The following SLC11A2 variants were observed in gnomAD, a reference collection of about 807,000 sequenced individuals.
SLC11A2 encodes solute carrier family 11 member 2, also known as natural resistance-associated macrophage protein 2.
A neutral mutation model predicts 68.0 loss-of-function variants in SLC11A2; 38 were observed. The observed-to-expected ratio is 0.56, with a 90% confidence interval of 0.43 to 0.73. SLC11A2 has a LOEUF of 0.73. Ranked by LOEUF, SLC11A2 falls within the 30% of genes least tolerant of loss-of-function variation. The pLI is 0.00. For synonymous variants in SLC11A2, 242 were observed against 250.6 expected, an observed-to-expected ratio of 0.97 and a Z score of 0.32; for missense variants, 517 against 690.5, an observed-to-expected ratio of 0.75 and a Z score of 2.82.
intron 4 of SLC11A2, 77 bp from the exon 5 acceptor site, chr12:51,004,984 A>C: frequency 6.5e-7 from 1 of 1,532,884 alleles, no homozygotes; most frequent in African/African-American, 1.4e-5. Context: ...GTTGTTTGGC[A>C]ACATGAGTGG....
At chr12:50,955,574 A>G in the SLC11A2 span, among the ~76,000 whole-genome samples, 13 of 152,210 alleles carry the variant, frequency 8.5e-5, no homozygotes, top group Non-Finnish European at 1.8e-4. Context: ...AAACTTCTAA[A>G]TAGGTATGTC....
chr12:50,988,223 A>G lies in SLC11A2; in HGVS notation c.*102T>C. On this transcript the variant is annotated 3_prime_UTR_variant, in exon 16 of 16. Transcript: ENST00000262052. Reference sequence around the variant, plus strand: ...TCCAACCAACGGTTGAGTCATAAACACAGTCTGTGCAACGGCACATACTTT... The same window carrying G: ...TCCAACCAACGGTTGAGTCATAAACGCAGTCTGTGCAACGGCACATACTTT... 1 of 1,590,760 alleles carries G rather than the reference A, an allele frequency of 6.3e-7. No individual in the cohort carries two copies. The highest frequency in any genetic ancestry group is 8.6e-7 in the Non-Finnish European group (1 of 1,168,636).
At position 50,991,559 on chromosome 12, in the gene SLC11A2, T is replaced by C. The variant is rs1347701772; in HGVS notation, c.1421+40A>G. ...ACTGCATGAAGATACCCTTTCCCCA[T>C]ATCAGCATCCCCTTTGGGAACGAAG... On this transcript the variant is annotated intron_variant, in intron 14 of 15. Transcript: ENST00000262052. 3 of 1,528,520 alleles carry C rather than the reference T, an allele frequency of 2.0e-6. No individual in the cohort carries two copies. The South Asian group carries it at 3.4e-5, about 17-fold the overall frequency. 94.7% of individuals were successfully genotyped at this position (1,528,520 alleles called of 1,614,324 possible). A position where few individuals can be genotyped will look rare whatever the true frequency, so the allele number is the denominator to read the frequency against.
the SLC11A2 span, among the ~76,000 whole-genome samples, chr12:50,967,833 G>A: frequency 2.6e-5 from 4 of 152,064 alleles, no homozygotes; most frequent in Admixed American, 2.6e-4. Flanking sequence ...AGTGATTTAG[G>A]CTGGGTGTAT....
rs1196432616 is a variant in SLC11A2, at chr12:50,986,475, T to A, written c.*1850A>T. ...TAACTTTTAAAAGAATACTAGCAGC[T>A]TTTACCTAGGCTCCTAAATGCTTGT... On this transcript the variant is annotated 3_prime_UTR_variant, in exon 16 of 16. Transcript: ENST00000262052. 6 of 1,285,458 alleles carry A rather than the reference T, an allele frequency of 4.7e-6. No individual in the cohort carries two copies. In the Admixed American group the frequency reaches 1.4e-4, roughly 30 times the overall value. 79.6% of individuals were successfully genotyped at this position (1,285,458 alleles called of 1,614,324 possible). A position where few individuals can be genotyped will look rare whatever the true frequency, so the allele number is the denominator to read the frequency against.
chr12:50,988,662 T>C (rs1235142619), intron 15 of SLC11A2, among the ~76,000 whole-genome samples: 1 of 152,214 alleles, frequency 6.6e-6, no homozygotes, highest in Non-Finnish European at 1.5e-5. Context: ...ATTGAATTTC[T>C]CTGTTCTTAC....
chr12:51,000,657 A>C (rs1186337423), intron 5 of SLC11A2: 2 of 588,322 alleles, frequency 3.4e-6, no homozygotes, highest in Non-Finnish European at 6.0e-6. Context: ...TCAAGGCAGT[A>C]ATTGATCTTA....
At chr12:50,960,182 C>T in the SLC11A2 span, among the ~76,000 whole-genome samples, 1 of 152,188 alleles carries the variant, frequency 6.6e-6, no homozygotes, top group Non-Finnish European at 1.5e-5. Context: ...CAGAGTTATG[C>T]TTCTTGTGCA....
At chr12:50,955,539 G>A in the SLC11A2 span, among the ~76,000 whole-genome samples, 13 of 152,142 alleles carry the variant, frequency 8.5e-5, no homozygotes, top group African/African-American at 2.4e-4. Context: ...ACTGACATAA[G>A]TTTGCAAAAA....
At chr12:50,990,136 C>T (rs867297636) in intron 15 of SLC11A2, among the ~76,000 whole-genome samples, 1 of 151,846 alleles carries the variant, frequency 6.6e-6, no homozygotes, top group African/African-American at 2.4e-5. Flanking sequence ...ATACCTTTTT[C>T]ATGTAGCTAT....
the SLC11A2 span, among the ~76,000 whole-genome samples, chr12:50,971,769 T>C: frequency 6.6e-6 from 1 of 152,214 alleles, no homozygotes; most frequent in Admixed American, 6.5e-5. Flanking sequence ...GTACTTCCTT[T>C]TCCTCAGTGT....
At chr12:51,009,607 C>T (rs145102284) in intron 2 of SLC11A2, among the ~76,000 whole-genome samples, 2,060 of 152,240 alleles carry the variant, frequency 0.014, 44 homozygotes, top group African/African-American at 0.046. Context: ...AGAAAAGGAA[C>T]AGAAATTCCA....
chr12:50,972,925 G>C, the SLC11A2 span, among the ~76,000 whole-genome samples: 1 of 152,224 alleles, frequency 6.6e-6, no homozygotes, highest in Non-Finnish European at 1.5e-5. Flanking sequence ...AAACTGCAAC[G>C]TGGCAGCGAG....
intron 5 of SLC11A2, 181 bp from the exon 6 acceptor site, chr12:51,000,600 G>A (rs1942116989): frequency 8.0e-6 from 5 of 625,310 alleles, no homozygotes; most frequent in Non-Finnish European, 1.4e-5. Flanking sequence ...GCTCTCACCT[G>A]GAGAAGGAAA....
At chr12:50,969,748 T>C in the SLC11A2 span, among the ~76,000 whole-genome samples, 2 of 150,428 alleles carry the variant, frequency 1.3e-5, no homozygotes, top group Admixed American at 6.6e-5. Flanking sequence ...CAATAATGAA[T>C]ATATGGGTTT....
the SLC11A2 span, chr12:50,970,373 A>C: frequency 1.1e-5 from 9 of 819,488 alleles, no homozygotes; most frequent in Non-Finnish European, 1.8e-5. Flanking sequence ...ATAAAAATAC[A>C]ACAAGTGGAA....
the SLC11A2 span, among the ~76,000 whole-genome samples, chr12:50,957,189 C>A: frequency 2.0e-5 from 3 of 151,796 alleles, no homozygotes; most frequent in Admixed American, 6.6e-5. Flanking sequence ...AACATGCTAT[C>A]CACATAAAAA....
At chr12:50,971,162 G>C in the SLC11A2 span, among the ~76,000 whole-genome samples, 14 of 151,692 alleles carry the variant, frequency 9.2e-5, no homozygotes, top group Non-Finnish European at 1.6e-4. Context: ...TTACAGGCGT[G>C]AGCCACGGCG....
chr12:50,965,037 G>A, the SLC11A2 span, among the ~76,000 whole-genome samples: 1 of 152,034 alleles, frequency 6.6e-6, no homozygotes, highest in East Asian at 1.9e-4. Context: ...TGGCATCTTT[G>A]AAGTCCTTGA....
Sources: gnomAD v4.1 joint callset for allele counts (sites outside exome capture counted in the v4.1 genomes callset) on GRCh38, gnomAD v4.1.1 for gene constraint, MANE v1.5 for transcripts, NCBI Gene and HGNC (gene_info 2026-07-23, HGNC 2026-07-21) for gene names.